Variants in EPB41L2 observed in about 807,000 individuals in gnomAD.
EPB41L2 encodes erythrocyte membrane protein band 4.1 like 2.
A neutral mutation model predicts 113.0 loss-of-function variants in EPB41L2; 43 were observed. The ratio of observed to expected loss-of-function variants is 0.38; its 90% CI spans 0.30 to 0.49. EPB41L2 has a LOEUF of 0.49. Ranked by LOEUF, EPB41L2 falls within the 20% of genes least tolerant of loss-of-function variation. EPB41L2 has a pLI of 0.95. For synonymous variants in EPB41L2, 442 were observed against 436.7 expected, an observed-to-expected ratio of 1.01 and a Z score of -0.15; for missense variants, 1,147 against 1,223.4, an observed-to-expected ratio of 0.94 and a Z score of 0.93.
chr6:130,967,586 A>G (rs1313521697), intron 1 of EPB41L2, among the ~76,000 whole-genome samples: 1 of 152,132 alleles, frequency 6.6e-6, no homozygotes, highest in Non-Finnish European at 1.5e-5. Context: ...CAGAATGGGA[A>G]GAGTCCTATT....
intron 3 of EPB41L2, among the ~76,000 whole-genome samples, chr6:130,933,913 T>G (rs1057489493): frequency 6.6e-6 from 1 of 152,178 alleles, no homozygotes; most frequent in Non-Finnish European, 1.5e-5. Context: ...TGTCTCCGTG[T>G]AGGGCCCTCC....
intron 14 of EPB41L2, among the ~76,000 whole-genome samples, chr6:130,871,668 T>C (rs73632240): frequency 0.026 from 4,008 of 152,308 alleles, 205 homozygotes; most frequent in African/African-American, 0.092. Flanking sequence ...ATTAATACCA[T>C]GTAAATCACA....
intron 1 of EPB41L2, among the ~76,000 whole-genome samples, chr6:131,053,324 T>C (rs753246833): frequency 1.3e-5 from 2 of 151,396 alleles, no homozygotes; most frequent in Non-Finnish European, 2.9e-5. Flanking sequence ...TGAAAGTAGT[T>C]GTGGCAGACT....
At chr6:130,916,040 T>C (rs1800947891) in intron 4 of EPB41L2, among the ~76,000 whole-genome samples, 1 of 152,258 alleles carries the variant, frequency 6.6e-6, no homozygotes, top group Admixed American at 6.5e-5. Flanking sequence ...TGTTATTTAG[T>C]TATTGGCTTT....
At chr6:130,885,355 G>T in intron 11 of EPB41L2, 87 bp from the exon 12 acceptor site, 1 of 1,277,720 alleles carries the variant, frequency 7.8e-7, no homozygotes, top group Non-Finnish European at 1.1e-6. Flanking sequence ...GAGATAAACA[G>T]GCAGCATATA....
intron 1 of EPB41L2, among the ~76,000 whole-genome samples, chr6:131,006,983 C>T (rs1214975127): frequency 1.3e-5 from 2 of 152,182 alleles, no homozygotes; most frequent in African/African-American, 2.4e-5. Flanking sequence ...TTGCCCCTCC[C>T]TACCTCCAAC....
At chr6:130,970,739 A>G (rs934137591) in intron 1 of EPB41L2, among the ~76,000 whole-genome samples, 1 of 152,188 alleles carries the variant, frequency 6.6e-6, no homozygotes, top group African/African-American at 2.4e-5. Context: ...ATATGTACAC[A>G]ACATAAAGTA....
intron 1 of EPB41L2, among the ~76,000 whole-genome samples, chr6:130,996,592 T>TAATG (rs903144549): frequency 2.6e-5 from 4 of 152,206 alleles, no homozygotes; most frequent in African/African-American, 9.6e-5. Flanking sequence ...TGAGTCCATC[T>TAATG]AATGAATGAA....
At chr6:130,932,989 C>G (rs535074231) in intron 3 of EPB41L2, among the ~76,000 whole-genome samples, 1 of 152,290 alleles carries the variant, frequency 6.6e-6, no homozygotes, top group African/African-American at 2.4e-5. Flanking sequence ...CAGCACAGAC[C>G]AACACTTCAT....
intron 15 of EPB41L2, chr6:130,868,855 T>C (rs1452123721): frequency 6.6e-6 from 1 of 152,264 alleles, no homozygotes; most frequent in Non-Finnish European, 1.5e-5. Context: ...TATAATCATC[T>C]GGCAAATACT....
intron 17 of EPB41L2, among the ~76,000 whole-genome samples, chr6:130,864,355 T>C (rs1234447380): frequency 6.6e-6 from 1 of 152,222 alleles, no homozygotes; most frequent in Admixed American, 6.5e-5. Flanking sequence ...ATACGGAAGA[T>C]GGATGAGATT....
intron 3 of EPB41L2, 138 bp downstream of exon 3, chr6:130,954,967 C>G: frequency 1.3e-6 from 1 of 744,630 alleles, no homozygotes; most frequent in East Asian, 2.5e-5. Context: ...GAAATGATGA[C>G]CCACTTCAAT....
In EPB41L2 at chr6:130,939,719, T is replaced by C. The variant is rs1810136202; in HGVS notation, c.706-13010A>G. ...ATGAAAAGCATCTGCAAGAAAACAA[T>C]GAACTATGTCAAAACAGATGCTACT... is the stretch of plus-strand genomic sequence containing the variant. On this transcript the variant is annotated intron_variant, in intron 3 of 19. Transcript: ENST00000337057. Among the ~76,000 whole-genome samples the C allele has an allele frequency of 2.0e-5, 3 of 152,236 alleles. 1 individual carries two copies. In the South Asian group the frequency reaches 6.2e-4, roughly 32 times the overall value.
intron 3 of EPB41L2, among the ~76,000 whole-genome samples, chr6:130,943,268 G>A (rs1046916662): frequency 2.6e-5 from 4 of 152,170 alleles, no homozygotes; most frequent in African/African-American, 9.7e-5. Context: ...GTTGTCTCCT[G>A]ACTTTTTAAT....
intron 11 of EPB41L2, among the ~76,000 whole-genome samples, chr6:130,887,216 T>G (rs1454797822): frequency 6.6e-6 from 1 of 152,214 alleles, no homozygotes; most frequent in Non-Finnish European, 1.5e-5. Context: ...TTTCTTGTAT[T>G]TTGAAGCCGA....
At chr6:130,854,385 G>A (rs1031298989) in intron 19 of EPB41L2, among the ~76,000 whole-genome samples, 2 of 151,914 alleles carry the variant, frequency 1.3e-5, no homozygotes, top group Admixed American at 6.6e-5. Context: ...CACCTTATAT[G>A]TAAGTTTATA....
intron 1 of EPB41L2, among the ~76,000 whole-genome samples, chr6:131,061,358 A>G (rs1008792452): frequency 6.6e-6 from 1 of 152,210 alleles, no homozygotes; most frequent in Non-Finnish European, 1.5e-5. Flanking sequence ...CAGTTCTCCA[A>G]TAACCTCCAA....
At position 130,858,187 on chromosome 6, in the gene EPB41L2, T is replaced by C; in HGVS notation, c.2967A>G (p.Thr989=). The change falls in exon 19 of 20, where the codon ACA becomes ACG. Residue 989 remains threonine, a synonymous_variant. Transcript: ENST00000337057. Reference sequence around the variant, plus strand: ...CTGTTTCTTTGTGTACCACCACTCTTGTGACCGACATGTCAGGGTGCTGCT... The same window carrying C: ...CTGTTTCTTTGTGTACCACCACTCTCGTGACCGACATGTCAGGGTGCTGCT... ...AREQHPDMSV[T]RVVVHKETEL... is the part of the protein sequence containing the mutation. 1 of 1,614,066 alleles carries C rather than the reference T, an allele frequency of 6.2e-7. No homozygotes were observed. Among genetic ancestry groups the C allele is most frequent in the Non-Finnish European group, 8.5e-7 (1 of 1,179,946 alleles).
intron 1 of EPB41L2, among the ~76,000 whole-genome samples, chr6:131,014,972 A>T (rs2128730187): frequency 6.6e-6 from 1 of 152,336 alleles, no homozygotes; most frequent in Admixed American, 6.5e-5. Context: ...GTAGGTAAAG[A>T]GACCTGCTTG....
Sources: allele counts gnomAD v4.1 joint callset (sites outside exome capture counted in the v4.1 genomes callset), GRCh38; gene constraint gnomAD v4.1.1; transcripts MANE v1.5; gene names NCBI Gene and HGNC (gene_info 2026-07-23, HGNC 2026-07-21).